The following ADGRB3 variants were observed in gnomAD, a reference collection of about 807,000 sequenced individuals.
The protein encoded by ADGRB3 is adhesion G protein-coupled receptor B3, also known as brain-specific angiogenesis inhibitor 3.
Under a neutral mutation model 193.4 loss-of-function variants are expected in ADGRB3, and 37 were observed. That is an observed-to-expected ratio of 0.19 (90% CI 0.15 to 0.25). The LOEUF (loss-of-function observed/expected upper bound fraction) is 0.25. Ranked by LOEUF, ADGRB3 falls within the 10% of genes least tolerant of loss-of-function variation. ADGRB3 has a pLI of 1.00. For synonymous variants in ADGRB3, 690 were observed against 644.2 expected, an observed-to-expected ratio of 1.07 and a Z score of -1.08; for missense variants, 1,637 against 1,852.9, an observed-to-expected ratio of 0.88 and a Z score of 2.14.
chr6:68,680,459 C>G lies in ADGRB3; in HGVS notation c.757+41027C>G, dbSNP rs535628451. On this transcript the variant is annotated intron_variant, in intron 3 of 31. Transcript: ENST00000370598. ...AGTGTGTGCTGAAAGGTAGGCCCAG[C>G]TATGCACTTTGGTAACGGCCTTTAG... Among the ~76,000 whole-genome samples the G allele has an allele frequency of 4.6e-5, 7 of 152,266 alleles. No individual in the cohort carries two copies. In the South Asian group the frequency reaches 1.5e-3, roughly 32 times the overall value.
At chr6:69,012,918 G>A (rs1222508508) in intron 11 of ADGRB3, among the ~76,000 whole-genome samples, 1 of 152,000 alleles carries the variant, frequency 6.6e-6, no homozygotes, top group Non-Finnish European at 1.5e-5. Context: ...AGGGAGTCCT[G>A]GTCCAAGTTA....
chr6:69,302,785 G>T (rs745819247), intron 20 of ADGRB3, among the ~76,000 whole-genome samples: 2 of 151,928 alleles, frequency 1.3e-5, no homozygotes, highest in Non-Finnish European at 2.9e-5. Context: ...AAACCATTAA[G>T]CTCTAAACAA....
intron 17 of ADGRB3, among the ~76,000 whole-genome samples, chr6:69,080,889 T>C (rs1038437940): frequency 6.6e-6 from 1 of 152,050 alleles, no homozygotes; most frequent in Non-Finnish European, 1.5e-5. Context: ...CACAATTGTA[T>C]GACAAACGTA....
chr6:68,943,994 G>C lies in ADGRB3; in HGVS notation c.1195G>C (p.Val399Leu). Residue 399 changes from valine (V) to leucine (L), a missense_variant and splice_region_variant, in exon 6 of 32, where the codon GTT (valine) becomes CTT (leucine). Coordinates refer to ENST00000370598, the MANE Select transcript of ADGRB3 (RefSeq NM_001704.3). The stretch of plus-strand genomic sequence containing the variant: ...GCCTTGTAATATTGCTCTTTGCCCA[G>C]GTGAGCCTATTCTGCATTTGGTTAT... ...HKPCNIALCP[V>L]DGQWQEWSSW... 1 of 1,597,292 alleles carries C rather than the reference G, an allele frequency of 6.3e-7. No homozygotes were observed. The highest frequency in any genetic ancestry group is 8.6e-7 in the Non-Finnish European group (1 of 1,168,516).
intron 30 of ADGRB3, among the ~76,000 whole-genome samples, chr6:69,373,003 T>G (rs1419951550): frequency 1.3e-5 from 2 of 152,010 alleles, no homozygotes; most frequent in Non-Finnish European, 2.9e-5. Flanking sequence ...AGATGAAAAT[T>G]TTCATTTTCC....
At position 68,638,950 on chromosome 6, in the gene ADGRB3, A is replaced by AT; in HGVS notation, c.280dup (p.Ser94PhefsTer3). On this transcript the variant is annotated frameshift_variant, in exon 3 of 32. Transcript: ENST00000370598. LOFTEE classifies it high-confidence loss of function. Reference sequence around the variant, plus strand: ...TCACTCCTGGCTTATCAGTTTGATCATTTTTCCCATGAAAAAATAAAGGAT... The same window carrying AT: ...TCACTCCTGGCTTATCAGTTTGATCATTTTTTCCCATGAAAAAATAAAGGAT... The AT allele has an allele frequency of 6.2e-7, 1 of 1,614,066 alleles. No homozygotes were observed. The highest frequency in any genetic ancestry group is 8.5e-7 in the Non-Finnish European group (1 of 1,179,988).
chr6:69,336,638 A>G (rs1768854935), intron 24 of ADGRB3, among the ~76,000 whole-genome samples: 1 of 152,080 alleles, frequency 6.6e-6, no homozygotes, highest in Non-Finnish European at 1.5e-5. Flanking sequence ...CTTTGCTTCT[A>G]TAATGTGATC....
At chr6:69,308,738 C>A (rs1369048934) in intron 20 of ADGRB3, among the ~76,000 whole-genome samples, 1 of 151,582 alleles carries the variant, frequency 6.6e-6, no homozygotes, top group Non-Finnish European at 1.5e-5. Flanking sequence ...TTCCTTCTAA[C>A]TGATTTTTTT....
chr6:69,005,513 A>G (rs751331254), intron 11 of ADGRB3, among the ~76,000 whole-genome samples: 2 of 152,194 alleles, frequency 1.3e-5, no homozygotes, highest in African/African-American at 2.4e-5. Flanking sequence ...AGTCAGAGCT[A>G]TAAGAAGTCT....
At position 69,141,198 on chromosome 6, in the gene ADGRB3, A is replaced by C. The variant is rs6938408; in HGVS notation, c.2480+65160A>C. Among the ~76,000 whole-genome samples the C allele has an allele frequency of 9.0e-3, 1,358 of 150,666 alleles. 24 individuals carry two copies. The highest frequency in any genetic ancestry group is 0.032 in the African/African-American group (1,297 of 41,084). On this transcript the variant is annotated intron_variant, in intron 17 of 31. Coordinates refer to ENST00000370598, the MANE Select transcript of ADGRB3 (RefSeq NM_001704.3). ...GAGTGCAGTGGCGCCATCTCGGCTC[A>C]CTGCAAGCTCCGCCTCCTGGGTTCT... is the stretch of plus-strand genomic sequence containing the variant.
At chr6:68,807,143 A>G (rs1360112711) in intron 3 of ADGRB3, among the ~76,000 whole-genome samples, 1 of 151,822 alleles carries the variant, frequency 6.6e-6, no homozygotes, top group Non-Finnish European at 1.5e-5. Context: ...AATTTTAGTT[A>G]TAGGGAATGT....
At chr6:69,008,136 C>G (rs1036002368) in intron 11 of ADGRB3, among the ~76,000 whole-genome samples, 1 of 152,146 alleles carries the variant, frequency 6.6e-6, no homozygotes, top group African/African-American at 2.4e-5. Context: ...ACATTGTCAA[C>G]AGCTGAATTT....
intron 28 of ADGRB3, 113 bp from the exon 29 acceptor site, chr6:69,360,756 C>G (rs1174668054): frequency 9.1e-7 from 1 of 1,100,892 alleles, no homozygotes; most frequent in African/African-American, 1.6e-5. Flanking sequence ...AAATAACATA[C>G]CTACCAAATA....
intron 17 of ADGRB3, among the ~76,000 whole-genome samples, chr6:69,220,586 C>T (rs1196403600): frequency 1.3e-5 from 2 of 152,098 alleles, no homozygotes; most frequent in Non-Finnish European, 2.9e-5. Context: ...TAAAATCTCA[C>T]TAAGATAGAA....
intron 3 of ADGRB3, among the ~76,000 whole-genome samples, chr6:68,751,206 G>A (rs1049142333): frequency 1.3e-5 from 2 of 152,156 alleles, no homozygotes; most frequent in Non-Finnish European, 2.9e-5. Flanking sequence ...CTGCTCTCAT[G>A]CTTCATAACA....
intron 17 of ADGRB3, among the ~76,000 whole-genome samples, chr6:69,164,105 A>T (rs183568443): frequency 3.9e-5 from 6 of 152,162 alleles, no homozygotes; most frequent in Admixed American, 1.3e-4. Context: ...CCCAAGGTGA[A>T]AGGAGTCACC....
At chr6:69,275,190 C>G (rs180772267) in intron 20 of ADGRB3, among the ~76,000 whole-genome samples, 1 of 152,204 alleles carries the variant, frequency 6.6e-6, no homozygotes, top group East Asian at 1.9e-4. Flanking sequence ...ATTACCCCTT[C>G]CCAGAATCTC....
chr6:69,358,623 A>T (rs990886301), intron 28 of ADGRB3, among the ~76,000 whole-genome samples: 1 of 151,926 alleles, frequency 6.6e-6, no homozygotes, highest in African/African-American at 2.4e-5. Context: ...ACTCTGAATA[A>T]TCTTTCTTTA....
chr6:68,745,109 T>C (rs1388240137), intron 3 of ADGRB3, among the ~76,000 whole-genome samples: 3 of 152,092 alleles, frequency 2.0e-5, no homozygotes, highest in Admixed American at 6.6e-5. Context: ...CCAGAATAAT[T>C]GAAAGCAGAG....
Sources: allele counts gnomAD v4.1 joint callset (sites outside exome capture counted in the v4.1 genomes callset), GRCh38; gene constraint gnomAD v4.1.1; transcripts MANE v1.5; gene names NCBI Gene and HGNC (gene_info 2026-07-23, HGNC 2026-07-21).